Variants in SLC46A3 observed in about 807,000 individuals in gnomAD.
SLC46A3 encodes the protein solute carrier family 46 member 3, also known as lysosomal proton-coupled steroid conjugate and bile acid symporter SLC46A3.
A neutral mutation model predicts 38.5 loss-of-function variants in SLC46A3; 26 were observed. The ratio of observed to expected loss-of-function variants is 0.68; its 90% CI spans 0.49 to 0.94. The LOEUF (loss-of-function observed/expected upper bound fraction) is 0.94. Ranked by LOEUF, SLC46A3 falls within the 40% of genes least tolerant of loss-of-function variation. The pLI, the probability that SLC46A3 is intolerant of heterozygous loss-of-function variation, is 0.00. For missense variants in SLC46A3, 510 were observed against 544.3 expected, an observed-to-expected ratio of 0.94 and a Z score of 0.63; for synonymous variants, 185 against 192.5, an observed-to-expected ratio of 0.96 and a Z score of 0.32.
rs1368856140 is a variant in SLC46A3, at chr13:28,700,320, GGGA to G, written c.*1174_*1176del. 1 of 152,352 alleles carries G rather than the reference GGGA, an allele frequency of 6.6e-6. No homozygotes were observed. The highest frequency in any genetic ancestry group is 1.5e-5 in the Non-Finnish European group (1 of 68,148). 9.4% of individuals were successfully genotyped at this position (152,352 alleles called of 1,614,324 possible). ...AGGCTTGAAAGTTTCAATGTAATGTGGGAGGAAGAGCAAATGGAACAGTGTGTG... is the reference window on the plus strand; with the variant it reads ...AGGCTTGAAAGTTTCAATGTAATGTGGGAAGAGCAAATGGAACAGTGTGTG... On this transcript the variant is annotated 3_prime_UTR_variant, in exon 6 of 6. Coordinates refer to ENST00000266943, the MANE Select transcript of SLC46A3 (RefSeq NM_181785.4).
chr13:28,717,361 G>T (rs1015259763), intron 2 of SLC46A3, among the ~76,000 whole-genome samples: 1 of 152,024 alleles, frequency 6.6e-6, no homozygotes, highest in Non-Finnish European at 1.5e-5. Flanking sequence ...CTGAAAGCTG[G>T]GACATGCAGA....
At position 28,713,179 on chromosome 13, in the gene SLC46A3, A is replaced by G; in HGVS notation, c.561T>C (p.Ser187=). The G allele has an allele frequency of 6.2e-7, 1 of 1,614,182 alleles. No individual in the cohort carries two copies. ...AACCTAGCTCTCTAATAAAATAGCC[A>G]GATGACAGTCCTGTTAGTCCAGTAA... ...GLVTGLTGLS[S]GYFIRELGFE... is the part of the protein sequence containing the mutation. The change falls in exon 3 of 6, where the codon TCT becomes TCC. Residue 187 remains serine, a synonymous_variant. Transcript: ENST00000266943.
At chr13:28,717,097 C>A (rs1460167991) in intron 2 of SLC46A3, among the ~76,000 whole-genome samples, 2 of 152,120 alleles carry the variant, frequency 1.3e-5, no homozygotes, top group Non-Finnish European at 2.9e-5. Context: ...GAAGTGCCTG[C>A]CTCCTGTTTT....
intron 2 of SLC46A3, among the ~76,000 whole-genome samples, chr13:28,716,743 C>CA: frequency 6.6e-6 from 1 of 152,268 alleles, no homozygotes; most frequent in Admixed American, 6.5e-5. Context: ...AACCTCACCC[C>CA]AGCAAGGTTC....
chr13:28,709,873 G>A (rs1235861258), intron 4 of SLC46A3, among the ~76,000 whole-genome samples: 3 of 152,186 alleles, frequency 2.0e-5, no homozygotes, highest in Non-Finnish European at 2.9e-5. Context: ...TGAACCAGCT[G>A]AGTGGGGCCC....
In SLC46A3 at chr13:28,703,719, C is replaced by T. The variant is rs146182796; in HGVS notation, c.1301+224G>A. 7.8e-4 allele frequency: 259 copies of T among 331,074 alleles called. 1 individual carries two copies. In the East Asian group the frequency reaches 0.012, roughly 15 times the overall value. The allele number at this position is 331,074 out of a possible 1,614,324, so 20.5% of individuals were successfully genotyped here. ...TATTTTATTAAAATATGAAACACTT[C>T]ATGAATTTTCCTGTCATCCTTGCAC... On this transcript the variant is annotated intron_variant, in intron 5 of 5. Transcript: ENST00000266943.
At position 28,704,005 on chromosome 13, in the gene SLC46A3, C is replaced by T. The variant is rs752387978; in HGVS notation, c.1239G>A (p.Trp413Ter). 1 of 1,613,508 alleles carries T rather than the reference C, an allele frequency of 6.2e-7. No individual in the cohort carries two copies. The stretch of plus-strand genomic sequence containing the variant: ...ACAGCAGGAAAGTGAAGCCAGGGTA[C>T]CAAGCAACAGTGGCTGAGTAAATTC... Reference protein sequence around the residue: ...FNGIYSATVAWYPGFTFLLSA... With the variant: ...FNGIYSATVA Residue 413 changes from tryptophan (W) to a stop codon, truncating the protein, a stop_gained, in exon 5 of 6, where the codon TGG becomes TGA. Transcript: ENST00000266943. LOFTEE classifies it high-confidence loss of function.
chr13:28,702,719 A>C (rs1395911600), intron 5 of SLC46A3, among the ~76,000 whole-genome samples: 1 of 152,244 alleles, frequency 6.6e-6, no homozygotes, highest in East Asian at 1.9e-4. Context: ...ACACAGATCT[A>C]GGTATCAGAA....
chr13:28,710,278 C>T (rs1487176984), intron 4 of SLC46A3, among the ~76,000 whole-genome samples: 1 of 152,192 alleles, frequency 6.6e-6, no homozygotes, highest in Non-Finnish European at 1.5e-5. Context: ...TTCCAAAGTC[C>T]AGCCACACCC....
chr13:28,711,426 G>GAA (rs79197472), intron 3 of SLC46A3, among the ~76,000 whole-genome samples: 1 of 83,802 alleles, frequency 1.2e-5, no homozygotes, highest in Non-Finnish European at 2.5e-5. Flanking sequence ...CCATCTCAAA[G>GAA]AAAAAAAAAA....
In SLC46A3 at chr13:28,704,252, C is replaced by T. The variant is rs1885115011; in HGVS notation, c.1145-153G>A. 8.7e-6 allele frequency: 6 copies of T among 685,732 alleles called. No individual in the cohort carries two copies. The South Asian group carries it at 1.1e-4, about 12-fold the overall frequency. The allele number at this position is 685,732 out of a possible 1,614,324, so 42.5% of individuals were successfully genotyped here. ...AAATGAAAGTTATTCCCTCAAAGTC[C>T]CTGAGAAGTCAGCAGCCCATTCTGC... On this transcript the variant is annotated intron_variant, in intron 4 of 5. Coordinates refer to ENST00000266943, the MANE Select transcript of SLC46A3 (RefSeq NM_181785.4).
intron 4 of SLC46A3, 24 bp from the exon 5 acceptor site, chr13:28,704,123 AGAGG>A: frequency 1.3e-6 from 2 of 1,533,160 alleles, no homozygotes; most frequent in Non-Finnish European, 1.7e-6. Flanking sequence ...GGATAGAGAG[AGAGG>A]AAAAAAAAAA....
In SLC46A3 at chr13:28,717,957, T is replaced by C. The variant is rs756534116; in HGVS notation, c.42A>G (p.Ala14=). The change falls in exon 2 of 6, where the codon GCA becomes GCG. Residue 14 remains alanine (A), a synonymous_variant. Transcript: ENST00000266943. ...LFVEPAIFLS[A]FAMTLTGPLT... ...GTGGACCGGTCAAAGTCATAGCAAATGCACTAAGGAAAATGGCAGGTTCTA... is the reference window on the plus strand; with the variant it reads ...GTGGACCGGTCAAAGTCATAGCAAACGCACTAAGGAAAATGGCAGGTTCTA... The C allele has an allele frequency of 4.3e-6, 7 of 1,613,768 alleles. No individual in the cohort carries two copies. Among genetic ancestry groups the C allele is most frequent in the Non-Finnish European group, 5.9e-6 (7 of 1,179,930 alleles).
chr13:28,717,924 C>T lies in SLC46A3; in HGVS notation c.75G>A (p.Thr25=), dbSNP rs1593192886. ...FAMTLTGPLT[T]QYVYRRIWEE... ...CCCATATTCTCCGATAAACATATTG[C>T]GTTGTCAGTGGACCGGTCAAAGTCA... is the stretch of plus-strand genomic sequence containing the variant. Residue 25 remains threonine (T), a synonymous_variant, in exon 2 of 6, where the codon ACG becomes ACA. Transcript: ENST00000266943. The T allele has an allele frequency of 4.3e-6, 7 of 1,614,044 alleles. No homozygotes were observed. Among genetic ancestry groups the T allele is most frequent in the African/African-American group, 1.3e-5 (1 of 74,998 alleles).
chr13:28,703,939 A>G lies in SLC46A3; in HGVS notation c.1301+4T>C, dbSNP rs370610434. ...TGATAAAATGATTAAAAATAATGACATACCATAGACTGATGGCTGGAAGTA... is the reference window on the plus strand; with the variant it reads ...TGATAAAATGATTAAAAATAATGACGTACCATAGACTGATGGCTGGAAGTA... On this transcript the variant is annotated splice_donor_region_variant and intron_variant, in intron 5 of 5. Transcript: ENST00000266943. The G allele has an allele frequency of 7.5e-6, 12 of 1,610,610 alleles. No individual in the cohort carries two copies. Among genetic ancestry groups the G allele is most frequent in the African/African-American group, 1.3e-5 (1 of 74,642 alleles).
At chr13:28,713,989 G>T (rs1012772177) in intron 2 of SLC46A3, among the ~76,000 whole-genome samples, 2 of 152,176 alleles carry the variant, frequency 1.3e-5, no homozygotes, top group East Asian at 3.9e-4. Context: ...GGTAAAGTGT[G>T]GTGATCAAAA....
At chr13:28,702,528 T>C (rs1271620646) in intron 5 of SLC46A3, among the ~76,000 whole-genome samples, 1 of 152,238 alleles carries the variant, frequency 6.6e-6, no homozygotes, top group African/African-American at 2.4e-5. Flanking sequence ...TGCTTTATGA[T>C]ACAGCTGAAT....
rs371098814 is a variant in SLC46A3, at chr13:28,717,790, T to C, written c.189+20A>G. 8 of 1,606,042 alleles carry C rather than the reference T, an allele frequency of 5.0e-6. No individual in the cohort carries two copies. Among genetic ancestry groups the C allele is most frequent in the Middle Eastern group, 1.7e-4 (1 of 6,020 alleles). On this transcript the variant is annotated intron_variant, in intron 2 of 5. Transcript: ENST00000266943. ...TACATTCCCATTTTATTAAATACTA[T>C]GGATATTGTAATTTCTTACCTCCTG...
intron 3 of SLC46A3, among the ~76,000 whole-genome samples, chr13:28,712,029 G>A (rs769172770): frequency 1.3e-5 from 2 of 152,206 alleles, no homozygotes; most frequent in Non-Finnish European, 2.9e-5. Context: ...CTGCAAGATA[G>A]TAAGGGGTTA....
Sources: gnomAD v4.1 joint callset for allele counts (sites outside exome capture counted in the v4.1 genomes callset) on GRCh38, gnomAD v4.1.1 for gene constraint, MANE v1.5 for transcripts, NCBI Gene and HGNC (gene_info 2026-07-23, HGNC 2026-07-21) for gene names.